NPAS1: variants seen among roughly 807,000 people sequenced by gnomAD.
The protein encoded by NPAS1 is neuronal PAS domain protein 1, also known as neuronal PAS domain-containing protein 1.
In NPAS1, 29 loss-of-function variants were observed where a neutral mutation model predicts 49.2. The observed-to-expected ratio is 0.59, with a 90% CI of 0.44 to 0.80. NPAS1 has a LOEUF of 0.80. Ranked by LOEUF, NPAS1 falls within the 30% of genes least tolerant of loss-of-function variation. The probability of loss-of-function intolerance (pLI) is 0.00; values close to 1 mark genes in which losing one functional copy is unlikely to be tolerated. For synonymous variants in NPAS1, 408 were observed against 380.4 expected (o/e 1.07, Z -0.84); for missense variants, 825 against 835.5 (o/e 0.99, Z 0.15).
intron 3 of NPAS1, among the ~76,000 whole-genome samples, chr19:47,030,401 G>A (rs8101932): frequency 0.68 from 103,537 of 152,018 alleles, 35,481 homozygotes; most frequent in African/African-American, 0.71. Flanking sequence ...CATTTTCCTA[G>A]TGACTAATGA....
At chr19:47,035,759 C>T in intron 5 of NPAS1, 1 of 547,986 alleles carries the variant, frequency 1.8e-6, no homozygotes, top group Non-Finnish European at 3.1e-6. Flanking sequence ...CCTTACTAAT[C>T]ACTGGGTATG....
At chr19:47,044,850 C>T (rs1004705050) in intron 11 of NPAS1, among the ~76,000 whole-genome samples, 1 of 151,928 alleles carries the variant, frequency 6.6e-6, no homozygotes, top group African/African-American at 2.4e-5. Flanking sequence ...GCCAACATGG[C>T]GACACCCCAT....
chr19:47,031,658 G>A (rs1490490319), intron 3 of NPAS1, among the ~76,000 whole-genome samples: 1 of 151,086 alleles, frequency 6.6e-6, no homozygotes, highest in Admixed American at 6.6e-5. Context: ...AACCTCCCGA[G>A]TAGCCAGGAC....
rs886067463 is a variant in NPAS1 at position 47,019,843 on chromosome 19, G to GTGGGCGCCGAGAGC, written c.-188_-175dup. The GTGGGCGCCGAGAGC allele has an allele frequency of 6.6e-6, 2 of 301,834 alleles. No individual in the cohort carries two copies. Among genetic ancestry groups the GTGGGCGCCGAGAGC allele is most frequent in the Admixed American group, 1.0e-4 (2 of 19,568 alleles). The allele number at this position is 301,834 out of a possible 1,614,324, so 18.7% of individuals were successfully genotyped here. The stretch of plus-strand genomic sequence containing the variant: ...GCGTCTCCAAGTCTGCGAGGCCGAG[G>GTGGGCGCCGAGAGC]TGGGCGCCGAGAGCTGGGCGCCACA... On this transcript the variant is annotated 5_prime_UTR_variant, in exon 1 of 12. Coordinates refer to ENST00000602212, the MANE Select transcript of NPAS1 (RefSeq NM_002517.4).
At chr19:47,023,856 C>A (rs2056856658) in intron 3 of NPAS1, among the ~76,000 whole-genome samples, 1 of 152,142 alleles carries the variant, frequency 6.6e-6, no homozygotes, top group Admixed American at 6.5e-5. Context: ...CCTGTAATCC[C>A]AGCACTTTGG....
chr19:47,028,873 G>T (rs2056889506), intron 3 of NPAS1, among the ~76,000 whole-genome samples: 1 of 152,058 alleles, frequency 6.6e-6, no homozygotes, highest in African/African-American at 2.4e-5. Flanking sequence ...CCTGGGTGGG[G>T]ACAGGCTCCG....
Position 47,021,192 on chromosome 19 carries a change from G to T in NPAS1, c.122+23G>T, listed in dbSNP as rs1390467618. 6.7e-7 allele frequency: 1 copy of T among 1,501,102 alleles called. No homozygotes were observed. The allele number at this position is 1,501,102 out of a possible 1,614,324, so 93.0% of individuals were successfully genotyped here. Reference sequence around the variant, plus strand: ...GTGGTGAGCAAAGCCCCGCCCCCCTGGCCGCGGGCCCCCCCCCGGGTCCAA... The same window carrying T: ...GTGGTGAGCAAAGCCCCGCCCCCCTTGCCGCGGGCCCCCCCCCGGGTCCAA... On this transcript the variant is annotated intron_variant, in intron 2 of 11. Coordinates refer to ENST00000602212, the MANE Select transcript of NPAS1 (RefSeq NM_002517.4). This position sits in a 1 kb window ranked among gnomAD's most constrained non-coding sequence, Gnocchi z 5.7.
Position 47,042,874 on chromosome 19 carries a change from G to A in NPAS1, c.1282G>A (p.Glu428Lys). ...GCTTCCAGCCAGCGTGGCCTGTGAG[G>A]AGGCATCCAGCCCGGGGCCAGAGCC... ...FQLPASVACEEASSPGPEPTE... is the reference protein window; with the variant it reads ...FQLPASVACEKASSPGPEPTE... The change falls in exon 11 of 12, where the codon GAG (glutamate) becomes AAG (lysine). Residue 428 changes from glutamate (E) to lysine (K), a missense_variant. Physicochemically the swap from Glu to Lys is moderately conservative, Grantham distance 56 (BLOSUM62 1). Transcript: ENST00000602212. 1 of 1,604,474 alleles carries A rather than the reference G, an allele frequency of 6.2e-7. No homozygotes were observed. Among genetic ancestry groups the A allele is most frequent in the Non-Finnish European group, 8.5e-7 (1 of 1,175,780 alleles).
chr19:47,026,525 G>A (rs1001294541), intron 3 of NPAS1, among the ~76,000 whole-genome samples: 1 of 152,216 alleles, frequency 6.6e-6, no homozygotes, highest in South Asian at 2.1e-4. Context: ...ATGGGTGGTG[G>A]AACACAGGTG....
chr19:47,027,970 G>A lies in NPAS1; in HGVS notation c.359-4308G>A, dbSNP rs1038136343. Among the ~76,000 whole-genome samples the A allele has an allele frequency of 1.2e-4, 18 of 152,056 alleles. 1 individual carries two copies. Among genetic ancestry groups the A allele is most frequent in the African/African-American group, 2.4e-5 (1 of 41,388 alleles). On this transcript the variant is annotated intron_variant, in intron 3 of 11. Coordinates refer to ENST00000602212, the MANE Select transcript of NPAS1 (RefSeq NM_002517.4). ...GAGGCATCGGGGAGTTGGTGGGATCGGGAGGTGGAGGCTGGGGGTAAAAAG... is the reference window on the plus strand; with the variant it reads ...GAGGCATCGGGGAGTTGGTGGGATCAGGAGGTGGAGGCTGGGGGTAAAAAG...
rs1008152235 is a variant in NPAS1 at position 47,021,053 on chromosome 19, G to T, written c.6G>T (p.Ala2=). 1.9e-6 allele frequency: 3 copies of T among 1,604,208 alleles called. No individual in the cohort carries two copies. The African/African-American group carries it at 4.0e-5, about 22-fold the overall frequency. Residue 2 remains alanine (A), a synonymous_variant, in exon 2 of 12, where the codon GCG becomes GCT. Coordinates refer to ENST00000602212, the MANE Select transcript of NPAS1 (RefSeq NM_002517.4). The surrounding 1 kb of genome is among the most constrained non-coding windows in gnomAD (Gnocchi z 5.7). ...CCTGAGCGAGCCCCCCGGAGATGGC[G>T]GCCCCCTATCCCGGCAGTGGCGGCG... is the stretch of plus-strand genomic sequence containing the variant. M[A]APYPGSGGGS...
intron 5 of NPAS1, among the ~76,000 whole-genome samples, chr19:47,034,018 A>G (rs2056927704): frequency 7.7e-6 from 1 of 129,444 alleles, no homozygotes; most frequent in South Asian, 2.6e-4. Flanking sequence ...AAAAAAAAAA[A>G]AAAGGGCCGG....
intron 6 of NPAS1, among the ~76,000 whole-genome samples, chr19:47,037,877 CT>C (rs2056974460): frequency 6.6e-6 from 1 of 152,130 alleles, no homozygotes; most frequent in Non-Finnish European, 1.5e-5. Flanking sequence ...ATTTGTGAGT[CT>C]TATTTATTGC....
chr19:47,036,129 G>C lies in NPAS1; in HGVS notation c.688G>C (p.Glu230Gln). Residue 230 changes from glutamate to glutamine, a missense_variant and splice_region_variant, in exon 6 of 12, where the codon GAG becomes CAG. Glu to Gln is a conservative substitution (Grantham distance 29). Coordinates refer to ENST00000602212, the MANE Select transcript of NPAS1 (RefSeq NM_002517.4). ...SSSLADTPEI[E>Q]ASLTKVPPSS... ...TTCGCTTGCAGATACCCCCGAGATC[G>C]GTAATTCTAAGGGCTCCTAAAGAAT... The C allele has an allele frequency of 6.4e-7, 1 of 1,556,442 alleles. No homozygotes were observed. The highest frequency in any genetic ancestry group is 8.7e-7 in the Non-Finnish European group (1 of 1,150,534).
At chr19:47,037,119 AAGTG>A (rs2056964521) in intron 6 of NPAS1, among the ~76,000 whole-genome samples, 2 of 151,192 alleles carry the variant, frequency 1.3e-5, no homozygotes, top group South Asian at 2.1e-4. Context: ...TGGGAGGCCG[AAGTG>A]GGCGGATCAC....
At chr19:47,044,159 C>T (rs1020878875) in intron 11 of NPAS1, among the ~76,000 whole-genome samples, 4 of 152,126 alleles carry the variant, frequency 2.6e-5, no homozygotes, top group East Asian at 1.9e-4. Flanking sequence ...CTGCAACCTC[C>T]GCCTCCCGGG....
chr19:47,024,432 G>C (rs1568500186), intron 3 of NPAS1, among the ~76,000 whole-genome samples: 10 of 152,258 alleles, frequency 6.6e-5, no homozygotes. Context: ...CGGGAGGATA[G>C]CTTGAGCCCA....
rs868108706 is a variant in NPAS1, at chr19:47,045,340, G to A, written c.1462G>A (p.Ala488Thr). 6 of 1,613,740 alleles carry A rather than the reference G, an allele frequency of 3.7e-6. No individual in the cohort carries two copies. In the African/African-American group the frequency reaches 8.0e-5, roughly 22 times the overall value. Residue 488 changes from alanine (A) to threonine (T), a missense_variant, in exon 12 of 12, where the codon GCC (alanine) becomes ACC (threonine). By Grantham distance (58) the Ala-to-Thr change is moderately conservative. Transcript: ENST00000602212. ...SGDEDPSSHP[A>T]TPRPEFTSVI... is the part of the protein sequence containing the mutation. ...CGACGAGGATCCCTCCAGCCACCCG[G>A]CCACACCGAGGCCCGAGTTCACCTC...
At chr19:47,020,898 C>A (rs1338061215) in intron 1 of NPAS1, 108 bp from the exon 2 acceptor site, 112 of 362,696 alleles carry the variant, frequency 3.1e-4, no homozygotes, top group Non-Finnish European at 3.7e-4. Context: ...ATCCAGGCCC[C>A]CCCCCCCCCA....
Sources: allele counts gnomAD v4.1 joint callset (sites outside exome capture counted in the v4.1 genomes callset), GRCh38; gene constraint gnomAD v4.1.1; non-coding constraint Gnocchi (gnomAD v3.1); transcripts MANE v1.5; gene names NCBI Gene and HGNC (gene_info 2026-07-23, HGNC 2026-07-21).